ASIC1: variants seen among roughly 807,000 people sequenced by gnomAD.
ASIC1 encodes the protein acid sensing ion channel subunit 1, also known as acid-sensing ion channel 1.
A neutral mutation model predicts 63.4 loss-of-function variants in ASIC1; 21 were observed. The ratio of observed to expected loss-of-function variants is 0.33; its 90% CI spans 0.23 to 0.48. The LOEUF (loss-of-function observed/expected upper bound fraction) is 0.48. Among genes scored for constraint, ASIC1 ranks in the 20% least tolerant of loss-of-function variants. The pLI is 0.99. For synonymous variants in ASIC1, 258 were observed against 278.2 expected (o/e 0.93, Z 0.72); for missense variants, 478 against 695.5 (o/e 0.69, Z 3.52).
chr12:50,080,351 A>T, intron 8 of ASIC1, 147 bp from the exon 9 acceptor site: 1 of 846,248 alleles, frequency 1.2e-6, no homozygotes, highest in Non-Finnish European at 1.9e-6. Flanking sequence ...ATCTCATTTA[A>T]TCCTAAAAGG....
intron 3 of ASIC1, among the ~76,000 whole-genome samples, chr12:50,069,996 T>C (rs528835463): frequency 1.3e-5 from 2 of 152,250 alleles, no homozygotes; most frequent in East Asian, 1.9e-4. Context: ...CTTATTTCAC[T>C]GGGTTGTGTG....
chr12:50,058,683 A>G (rs1484202770), intron 1 of ASIC1, 68 bp from the exon 2 acceptor site: 1 of 1,507,454 alleles, frequency 6.6e-7, no homozygotes. Context: ...GGATGGGCAC[A>G]TGTGGAGGGG....
rs1950697302 is a variant in ASIC1 at position 50,079,915 on chromosome 12, G to A, written c.1065G>A (p.Glu355=). The A allele has an allele frequency of 2.5e-6, 4 of 1,607,654 alleles. No individual in the cohort carries two copies. The highest frequency in any genetic ancestry group is 1.1e-5 in the South Asian group (1 of 90,080). The change falls in exon 8 of 12, where the codon GAG becomes GAA. Residue 355 remains glutamate, a synonymous_variant. Coordinates refer to ENST00000447966, the MANE Select transcript of ASIC1 (RefSeq NM_001095.4). The part of the protein sequence containing the change: ...CADPALDFLV[E]KDQEYCVCEM... ...GGCTGAGTGCAGACTTCCTGGTGGA[G>A]AAGGACCAGGAGTACTGCGTGTGTG...
intron 3 of ASIC1, among the ~76,000 whole-genome samples, chr12:50,067,492 C>T (rs753458953): frequency 1.3e-5 from 2 of 151,342 alleles, no homozygotes; most frequent in Non-Finnish European, 2.9e-5. Flanking sequence ...TCACTGCAAC[C>T]TCCGCCTCCT....
intron 3 of ASIC1, among the ~76,000 whole-genome samples, chr12:50,069,044 T>C (rs1026997920): frequency 6.6e-6 from 1 of 152,174 alleles, no homozygotes; most frequent in African/African-American, 2.4e-5. Context: ...TTTAAGGCCC[T>C]GAGTGACCTG....
At chr12:50,077,889 C>A in intron 4 of ASIC1, 111 bp from the exon 5 acceptor site, 2 of 1,484,844 alleles carry the variant, frequency 1.3e-6, no homozygotes, top group Non-Finnish European at 1.8e-6. Flanking sequence ...TCCCCCACCC[C>A]AGCCCCAGTG....
In ASIC1 at chr12:50,081,345, T is replaced by C. The variant is rs1333383747; in HGVS notation, c.1463T>C (p.Leu488Pro). ...SSADKGVALS[L>P]DDVKRHNPCE... ...GCGGACAAGGGCGTGGCCCTCAGCC[T>C]GGACGACGTCAAAAGACACGTGAGG... Residue 488 changes from leucine (L) to proline (P), a missense_variant, in exon 11 of 12, where the codon CTG becomes CCG. This residue lies in a region of ASIC1 where 104 missense variants were observed against 97.0 expected (regional missense o/e 1.07). Coordinates refer to ENST00000447966, the MANE Select transcript of ASIC1 (RefSeq NM_001095.4). The C allele has an allele frequency of 2.5e-6, 4 of 1,606,926 alleles. No homozygotes were observed. The highest frequency in any genetic ancestry group is 2.7e-5 in the African/African-American group (2 of 74,828).
rs1288687045 is a variant in ASIC1, at chr12:50,059,825, C to T, written c.429C>T (p.Asn143=). The change falls in exon 3 of 12, where the codon AAC becomes AAT. Residue 143 remains asparagine (N), a synonymous_variant. Coordinates refer to ENST00000447966, the MANE Select transcript of ASIC1 (RefSeq NM_001095.4). The surrounding 1 kb of genome is among the most constrained non-coding windows in gnomAD (Gnocchi z 4.6). ...TGGAGATACTGCAGGACAAAGCCAA[C>T]TTCCGCAGCTTCAAACCCAAACCCT... The part of the protein sequence containing the change: ...KQLEILQDKA[N]FRSFKPKPFN... The T allele has an allele frequency of 1.2e-6, 2 of 1,614,078 alleles. No individual in the cohort carries two copies. The highest frequency in any genetic ancestry group is 2.7e-5 in the African/African-American group (2 of 74,922).
chr12:50,059,952 G>T lies in ASIC1; in HGVS notation c.556G>T (p.Val186Leu), dbSNP rs1425975728. The T allele has an allele frequency of 3.7e-6, 6 of 1,613,686 alleles. No homozygotes were observed. The highest frequency in any genetic ancestry group is 5.1e-6 in the Non-Finnish European group (6 of 1,179,910). ...GGTCTGCAGCGCTGAAGACTTCAAG[G>T]TGGTGAGTCCCCTCGTGTGGGGTGT... ...GEVCSAEDFK[V>L]VFTRYGKCYT... Residue 186 changes from valine (V) to leucine (L), a missense_variant and splice_region_variant, in exon 3 of 12, where the codon GTG (valine) becomes TTG (leucine). Val to Leu is a conservative substitution (Grantham distance 32). Coordinates refer to ENST00000447966, the MANE Select transcript of ASIC1 (RefSeq NM_001095.4). This position sits in a 1 kb window ranked among gnomAD's most constrained non-coding sequence, Gnocchi z 4.6.
At chr12:50,070,968 C>G (rs1015515994) in intron 3 of ASIC1, 1 of 152,698 alleles carries the variant, frequency 6.5e-6, no homozygotes, top group South Asian at 2.1e-4. Context: ...TCCTTGCTTC[C>G]TGTTCCTGCA....
chr12:50,079,097 C>A, intron 7 of ASIC1, 117 bp downstream of exon 7: 2 of 1,003,808 alleles, frequency 2.0e-6, no homozygotes, highest in Non-Finnish European at 1.5e-6. Context: ...CTGGGCTGCA[C>A]CCTCTCTTGT....
rs1022140544 is a variant in ASIC1 at position 50,058,131 on chromosome 12, C to T, written c.-17+215C>T. On this transcript the variant is annotated intron_variant, in intron 1 of 11. Coordinates refer to ENST00000447966, the MANE Select transcript of ASIC1 (RefSeq NM_001095.4). ...CTCGCTGTCATAGGGAACCGCGCCCCCCCTCCATACATCCACCTCGGGCAG... is the reference window on the plus strand; with the variant it reads ...CTCGCTGTCATAGGGAACCGCGCCCTCCCTCCATACATCCACCTCGGGCAG... 4.6e-5 allele frequency among the ~76,000 whole-genome samples: 7 copies of T among 151,932 alleles called. No individual in the cohort carries two copies. In the East Asian group the frequency reaches 1.4e-3, roughly 29 times the overall value.
Position 50,057,809 on chromosome 12 carries a change from G to T in ASIC1, c.-124G>T, listed in dbSNP as rs1950459498. ...TGCGCGGCGTGCCGCGGCGGCCGCG[G>T]GCTCCGGCCCCGGGCCATGAGCCCC... On this transcript the variant is annotated 5_prime_UTR_variant, in exon 1 of 12. Transcript: ENST00000447966. This position sits in a 1 kb window ranked among gnomAD's most constrained non-coding sequence, Gnocchi z 4.7. The T allele has an allele frequency of 6.7e-6, 1 of 150,156 alleles. No individual in the cohort carries two copies. The allele number at this position is 150,156 out of a possible 1,614,324, so 9.3% of individuals were successfully genotyped here.
intron 3 of ASIC1, among the ~76,000 whole-genome samples, chr12:50,076,430 G>A (rs1389279080): frequency 2.6e-5 from 4 of 151,148 alleles, no homozygotes; most frequent in Non-Finnish European, 5.9e-5. Flanking sequence ...TCGCACCACT[G>A]CACTCCAGCC....
intron 3 of ASIC1, among the ~76,000 whole-genome samples, chr12:50,062,949 T>C (rs1950513827): frequency 6.6e-6 from 1 of 151,992 alleles, no homozygotes; most frequent in Non-Finnish European, 1.5e-5. Flanking sequence ...GAGAGACTGG[T>C]TTGGAAATCC....
Position 50,077,984 on chromosome 12 carries a change from C to A in ASIC1, c.710-16C>A, listed in dbSNP as rs1565731996. On this transcript the variant is annotated splice_polypyrimidine_tract_variant and intron_variant, in intron 4 of 11. Coordinates refer to ENST00000447966, the MANE Select transcript of ASIC1 (RefSeq NM_001095.4). ...GTCAGGAGCCCTCCCAACCCACACA[C>A]TCCTCATTCCCCTAGACGAGACGTC... 1 of 1,602,396 alleles carries A rather than the reference C, an allele frequency of 6.2e-7. No homozygotes were observed.
In ASIC1 at chr12:50,073,915, G is replaced by A. The variant is rs550810010; in HGVS notation, c.559-3298G>A. ...CTTCCTGTGCCAGGTAGGGGACCGC[G>A]TTGCTTATTACCTCAGCTACCCACA... On this transcript the variant is annotated intron_variant, in intron 3 of 11. Coordinates refer to ENST00000447966, the MANE Select transcript of ASIC1 (RefSeq NM_001095.4). The A allele has an allele frequency of 1.2e-4, 185 of 1,535,714 alleles. 2 individuals carry two copies. In the Middle Eastern group the frequency reaches 2.2e-3, roughly 18 times the overall value.
intron 3 of ASIC1, among the ~76,000 whole-genome samples, chr12:50,063,438 G>T (rs990359475): frequency 1.3e-5 from 2 of 152,246 alleles, no homozygotes; most frequent in East Asian, 3.8e-4. Context: ...GGAGAGAGAA[G>T]CAGGAATTCA....
In ASIC1 at chr12:50,059,608, C is replaced by A. The variant is rs543952253; in HGVS notation, c.363-151C>A. 1.1e-3 allele frequency: 842 copies of A among 785,090 alleles called. 12 individuals carry two copies. In the South Asian group the frequency reaches 0.015, roughly 14 times the overall value. 48.6% of individuals were successfully genotyped at this position (785,090 alleles called of 1,614,324 possible). A position where few individuals can be genotyped will look rare whatever the true frequency, so the allele number is the denominator to read the frequency against. ...TACAGTTCCTCCTGTCATTTCAGAC[C>A]CATGTGGTAGAGCCTCTGCATGCCC... On this transcript the variant is annotated intron_variant, in intron 2 of 11. Coordinates refer to ENST00000447966, the MANE Select transcript of ASIC1 (RefSeq NM_001095.4). This position sits in a 1 kb window ranked among gnomAD's most constrained non-coding sequence, Gnocchi z 4.6.
Sources: gnomAD v4.1 joint callset for allele counts (sites outside exome capture counted in the v4.1 genomes callset) on GRCh38, gnomAD v4.1.1 for gene constraint, gnomAD v4.1.1 regional missense constraint, Gnocchi (gnomAD v3.1) non-coding constraint, MANE v1.5 for transcripts, NCBI Gene and HGNC (gene_info 2026-07-23, HGNC 2026-07-21) for gene names.